Variants in FILIP1 observed in about 807,000 individuals in gnomAD.
The protein encoded by FILIP1 is filamin-A-interacting protein 1.
FILIP1 carries 61 observed loss-of-function variants against 102.1 expected under a neutral mutation model. That is an observed-to-expected ratio of 0.60 (90% CI 0.49 to 0.74). FILIP1 has a LOEUF of 0.74. FILIP1 is among the 30% of genes least tolerant of loss of function. The pLI is 0.00. For missense variants in FILIP1, 1,314 were observed against 1,441.2 expected (o/e 0.91, Z 1.43); for synonymous variants, 491 against 526.9 (o/e 0.93, Z 0.93).
intron 2 of FILIP1, among the ~76,000 whole-genome samples, chr6:75,414,217 A>G (rs1242310911): frequency 2.6e-5 from 4 of 151,744 alleles, no homozygotes; most frequent in Non-Finnish European, 5.9e-5. Flanking sequence ...AAAAAAAGAG[A>G]GAAAAGACTG....
At chr6:75,411,680 C>T (rs1777076299) in intron 2 of FILIP1, among the ~76,000 whole-genome samples, 1 of 152,124 alleles carries the variant, frequency 6.6e-6, no homozygotes, top group South Asian at 2.1e-4. Context: ...GAAATCCTTT[C>T]CCCATTGCTT....
exon 7 of FILIP1, chr6:75,293,222 C>T (rs903758358): frequency 6.6e-6 from 1 of 152,106 alleles, no homozygotes; most frequent in Non-Finnish European, 1.5e-5. Flanking sequence ...ATAATTATTT[C>T]ATTAAAAATG....
At chr6:75,382,848 C>T (rs1488157361) in intron 2 of FILIP1, among the ~76,000 whole-genome samples, 25 of 152,124 alleles carry the variant, frequency 1.6e-4, no homozygotes, top group Admixed American at 1.6e-3. Flanking sequence ...GAGATCTCAA[C>T]CAAAGCTAAC....
chr6:75,406,585 T>C (rs574060698), intron 2 of FILIP1, among the ~76,000 whole-genome samples: 2 of 152,146 alleles, frequency 1.3e-5, no homozygotes, highest in Middle Eastern at 3.4e-3. Flanking sequence ...ACTTGACACA[T>C]AGTAGGAGCC....
chr6:75,305,488 C>G (rs1198871731), downstream of FILIP1, among the ~76,000 whole-genome samples: 1 of 152,164 alleles, frequency 6.6e-6, no homozygotes, highest in African/African-American at 2.4e-5. Flanking sequence ...ACCCTAAAAT[C>G]TCTAGAGAGA....
chr6:75,435,406 T>C (rs1777985734), intron 1 of FILIP1, among the ~76,000 whole-genome samples: 1 of 152,206 alleles, frequency 6.6e-6, no homozygotes, highest in Non-Finnish European at 1.5e-5. Flanking sequence ...GAAATATAAA[T>C]GAATGGGTAA....
intron 5 of FILIP1, among the ~76,000 whole-genome samples, chr6:75,310,015 T>C (rs1333514579): frequency 1.3e-5 from 2 of 152,248 alleles, no homozygotes; most frequent in South Asian, 2.1e-4. Flanking sequence ...TCTATAAATA[T>C]CAATTTCATA....
At position 75,308,744 on chromosome 6, in the gene FILIP1, G is replaced by A. The variant is rs763750918; in HGVS notation, c.3589C>T (p.Leu1197=). The stretch of plus-strand genomic sequence containing the variant: ...GTGCTGCTGGCTGCAGATTTCTTCA[G>A]CTCTATTTTCATAGACTGAGTCTCA... ...RAETQSMKIE[L]KKSAASSTTS... The change falls in exon 6 of 6, where the codon CTG becomes TTG. Residue 1197 remains leucine (L), a synonymous_variant. Transcript: ENST00000237172. The A allele has an allele frequency of 6.8e-6, 11 of 1,613,688 alleles. No homozygotes were observed. The highest frequency in any genetic ancestry group is 9.3e-6 in the Non-Finnish European group (11 of 1,179,992).
At chr6:75,466,345 A>G (rs1779165037) in intron 1 of FILIP1, among the ~76,000 whole-genome samples, 1 of 152,232 alleles carries the variant, frequency 6.6e-6, no homozygotes, top group African/African-American at 2.4e-5. Context: ...CACTTTCCTG[A>G]TCAAGTGCCT....
chr6:75,349,565 C>T (rs1378323432), intron 4 of FILIP1, among the ~76,000 whole-genome samples: 1 of 152,182 alleles, frequency 6.6e-6, no homozygotes, highest in Non-Finnish European at 1.5e-5. Context: ...GCTTTTTGCT[C>T]ACAGGGACTT....
intron 1 of FILIP1, among the ~76,000 whole-genome samples, chr6:75,486,154 A>G (rs1779783180): frequency 6.6e-6 from 1 of 152,194 alleles, no homozygotes; most frequent in South Asian, 2.1e-4. Flanking sequence ...TTCAAAGTTT[A>G]CAATATAAGG....
At chr6:75,303,796 T>C (rs1241996347), downstream of FILIP1, among the ~76,000 whole-genome samples, 2 of 150,036 alleles carry the variant, frequency 1.3e-5, no homozygotes, top group African/African-American at 4.9e-5. Flanking sequence ...GATAGATAGA[T>C]AGATAGATAA....
At chr6:75,399,933 G>T (rs933964385) in intron 2 of FILIP1, among the ~76,000 whole-genome samples, 1 of 152,036 alleles carries the variant, frequency 6.6e-6, no homozygotes, top group Admixed American at 6.6e-5. Context: ...GAAAAGGAGG[G>T]GTTGGAGACT....
At chr6:75,333,602 T>C (rs1289232110) in intron 4 of FILIP1, among the ~76,000 whole-genome samples, 1 of 151,956 alleles carries the variant, frequency 6.6e-6, no homozygotes, top group East Asian at 1.9e-4. Context: ...TAACAACCAA[T>C]GTTACACAAA....
chr6:75,314,719 A>G lies in FILIP1; in HGVS notation c.1113T>C (p.Cys371=). ...CTTCTGCCATGAGGCTAGAGTTTCC[A>G]CATTCTCCTTTGGCAATTTTATCTC... ...ELRDKIAKGE[C]GNSSLMAEVE... is the part of the protein sequence containing the mutation. Residue 371 remains cysteine, a synonymous_variant, in exon 5 of 6, where the codon TGT becomes TGC. Coordinates refer to ENST00000237172, the MANE Select transcript of FILIP1 (RefSeq NM_015687.5). 1.2e-6 allele frequency: 2 copies of G among 1,614,118 alleles called. No individual in the cohort carries two copies. Among genetic ancestry groups the G allele is most frequent in the Non-Finnish European group, 1.7e-6 (2 of 1,180,022 alleles).
intron 1 of FILIP1, among the ~76,000 whole-genome samples, chr6:75,475,558 G>A (rs907899991): frequency 6.6e-6 from 1 of 152,086 alleles, no homozygotes; most frequent in African/African-American, 2.4e-5. Flanking sequence ...AAGACTAAAC[G>A]TGGCTCACAT....
chr6:75,350,375 G>A (rs1226855628), intron 4 of FILIP1, among the ~76,000 whole-genome samples: 2 of 149,990 alleles, frequency 1.3e-5, no homozygotes, highest in East Asian at 3.9e-4. Context: ...AGTATCAAAA[G>A]CATGTTAGGG....
chr6:75,393,131 G>A (rs975348464), intron 2 of FILIP1, among the ~76,000 whole-genome samples: 2 of 152,100 alleles, frequency 1.3e-5, no homozygotes, highest in African/African-American at 2.4e-5. Context: ...CAGAAACAGG[G>A]AAGTAAATAA....
intron 1 of FILIP1, among the ~76,000 whole-genome samples, chr6:75,467,677 G>C (rs182287563): frequency 1.3e-5 from 2 of 152,130 alleles, no homozygotes; most frequent in African/African-American, 4.8e-5. Flanking sequence ...ATTTTAGAAC[G>C]AATTTTTTAA....
Sources: gnomAD v4.1 joint callset for allele counts (sites outside exome capture counted in the v4.1 genomes callset) on GRCh38, gnomAD v4.1.1 for gene constraint, MANE v1.5 for transcripts, NCBI Gene and HGNC (gene_info 2026-07-23, HGNC 2026-07-21) for gene names.